Variants in DLGAP1 observed in about 807,000 individuals in gnomAD.
DLGAP1 encodes DLG associated protein 1, also known as disks large-associated protein 1.
A neutral mutation model predicts 90.8 loss-of-function variants in DLGAP1; 11 were observed. The observed-to-expected ratio is 0.12, with a 90% CI of 0.08 to 0.20. The LOEUF (loss-of-function observed/expected upper bound fraction) is 0.20, where lower values mean the gene tolerates loss of function less well. Among genes scored for constraint, DLGAP1 ranks in the 10% least tolerant of loss-of-function variants. The pLI is 1.00. For synonymous variants in DLGAP1, 558 were observed against 540.7 expected, an observed-to-expected ratio of 1.03 and a Z score of -0.44; for missense variants, 1,050 against 1,333.8, an observed-to-expected ratio of 0.79 and a Z score of 3.31.
At chr18:3,773,652 C>T (rs2064804254) in intron 5 of DLGAP1, among the ~76,000 whole-genome samples, 2 of 152,308 alleles carry the variant, frequency 1.3e-5, no homozygotes, top group South Asian at 4.2e-4. Flanking sequence ...TAAATAACTT[C>T]CTGCCACACT....
chr18:3,710,849 G>A (rs1392965154), intron 7 of DLGAP1, among the ~76,000 whole-genome samples: 1 of 152,192 alleles, frequency 6.6e-6, no homozygotes. Flanking sequence ...GTGGGTGGAA[G>A]CAGCGCCAGA....
At chr18:3,878,080 A>T (rs1025635507) in intron 4 of DLGAP1, 1 of 152,210 alleles carries the variant, frequency 6.6e-6, no homozygotes, top group Non-Finnish European at 1.5e-5. Flanking sequence ...GAACTCCTCA[A>T]AGGAAGAATT....
chr18:4,173,363 T>C (rs144646139), intron 1 of DLGAP1, among the ~76,000 whole-genome samples: 3 of 152,310 alleles, frequency 2.0e-5, no homozygotes, highest in Non-Finnish European at 2.9e-5. Context: ...TCAGTCAAGG[T>C]AGACTTCTGA....
At chr18:3,540,093 A>G (rs907725408) in intron 9 of DLGAP1, among the ~76,000 whole-genome samples, 18 of 152,282 alleles carry the variant, frequency 1.2e-4, no homozygotes, top group Non-Finnish European at 2.6e-4. Context: ...CCTTTCACTG[A>G]TGTAAAAACC....
At chr18:4,329,520 T>A (rs1317691449) in intron 1 of DLGAP1, among the ~76,000 whole-genome samples, 4 of 151,970 alleles carry the variant, frequency 2.6e-5, no homozygotes, top group Non-Finnish European at 4.4e-5. Context: ...GTCAATCTAC[T>A]ATAATGTTTT....
chr18:3,594,494 T>C (rs1199533399), intron 7 of DLGAP1: 1 of 152,102 alleles, frequency 6.6e-6, no homozygotes, highest in Non-Finnish European at 1.5e-5. Context: ...GGTAAGTCGC[T>C]CTTTGGAAGG....
chr18:4,327,828 G>A (rs868429353), intron 1 of DLGAP1, among the ~76,000 whole-genome samples: 2 of 151,784 alleles, frequency 1.3e-5, no homozygotes, highest in Non-Finnish European at 2.9e-5. Flanking sequence ...CAATAGAATC[G>A]TATGGGATGC....
intron 4 of DLGAP1, among the ~76,000 whole-genome samples, chr18:3,823,267 C>T (rs1019568309): frequency 6.6e-6 from 1 of 152,164 alleles, no homozygotes; most frequent in Admixed American, 6.5e-5. Context: ...ACTCAGTCAG[C>T]AAGCATCTCT....
intron 2 of DLGAP1, among the ~76,000 whole-genome samples, chr18:4,005,747 G>A (rs1404743841): frequency 6.6e-6 from 1 of 152,142 alleles, no homozygotes; most frequent in African/African-American, 2.4e-5. Flanking sequence ...GCAATCAAGT[G>A]CTCCATAGTC....
chr18:3,771,438 CGTCT>C (rs1299303413), intron 5 of DLGAP1: 2 of 152,276 alleles, frequency 1.3e-5, no homozygotes, highest in Non-Finnish European at 2.9e-5. Flanking sequence ...GCTGAGAGTG[CGTCT>C]GTGTTTCCCC....
intron 9 of DLGAP1, among the ~76,000 whole-genome samples, chr18:3,547,301 CAA>C (rs765095049): frequency 1.3e-4 from 6 of 45,422 alleles, no homozygotes; most frequent in African/African-American, 4.8e-4. Flanking sequence ...GACTCCGTCT[CAA>C]AAAAAAAAAA....
intron 1 of DLGAP1, among the ~76,000 whole-genome samples, chr18:4,259,537 T>C (rs1365089429): frequency 6.6e-6 from 1 of 152,156 alleles, no homozygotes; most frequent in Non-Finnish European, 1.5e-5. Context: ...TATTCAGCAG[T>C]TGTAGTGGCG....
At chr18:4,027,995 C>A (rs575490215) in intron 2 of DLGAP1, among the ~76,000 whole-genome samples, 2 of 152,262 alleles carry the variant, frequency 1.3e-5, no homozygotes, top group African/African-American at 2.4e-5. Flanking sequence ...GTGTCACCTA[C>A]CTCAACAGAA....
intron 1 of DLGAP1, among the ~76,000 whole-genome samples, chr18:4,220,080 AT>A (rs2078043689): frequency 6.6e-6 from 1 of 152,078 alleles, no homozygotes; most frequent in Admixed American, 6.6e-5. Flanking sequence ...TAGTGTGGGC[AT>A]TTTAACACTA....
chr18:4,371,283 T>C (rs965035289), intron 1 of DLGAP1, among the ~76,000 whole-genome samples: 2 of 152,188 alleles, frequency 1.3e-5, no homozygotes, highest in Non-Finnish European at 2.9e-5. Context: ...GTCAAATATA[T>C]GTGGCTTAGT....
intron 1 of DLGAP1, among the ~76,000 whole-genome samples, chr18:4,400,898 T>G (rs535244009): frequency 6.6e-6 from 1 of 152,280 alleles, no homozygotes; most frequent in South Asian, 2.1e-4. Flanking sequence ...AAGATTTCCT[T>G]TCCCTGAATT....
chr18:4,006,511 G>GCTA (rs57780564), intron 2 of DLGAP1, among the ~76,000 whole-genome samples: 10,020 of 152,192 alleles, frequency 0.066, 940 homozygotes, highest in African/African-American at 0.21. Flanking sequence ...CTCTAAGAGT[G>GCTA]CTCCAGCTGT....
At position 4,128,217 on chromosome 18, in the gene DLGAP1, T is replaced by C. The variant is rs543067710; in HGVS notation, c.-159+22963A>G. Among the ~76,000 whole-genome samples, 4 of 152,312 alleles carry C rather than the reference T, an allele frequency of 2.6e-5. No individual in the cohort carries two copies. In the South Asian group the frequency reaches 8.3e-4, roughly 32 times the overall value. On this transcript the variant is annotated intron_variant, in intron 2 of 12. Transcript: ENST00000315677. ...TACTGACCAGATACAGACTTTTTTT[T>C]CTTGTTATTATTCTCTAAACAATAC...
intron 7 of DLGAP1, among the ~76,000 whole-genome samples, chr18:3,662,730 C>A (rs918532524): frequency 1.2e-4 from 19 of 152,206 alleles, no homozygotes; most frequent in Non-Finnish European, 2.5e-4. Flanking sequence ...CTCGGCCCTC[C>A]AGCCAAGGAA....
Sources: gnomAD v4.1 joint callset for allele counts (sites outside exome capture counted in the v4.1 genomes callset) on GRCh38, gnomAD v4.1.1 for gene constraint, MANE v1.5 for transcripts, NCBI Gene and HGNC (gene_info 2026-07-23, HGNC 2026-07-21) for gene names.